The following SLC2A14 variants were observed in gnomAD, a reference collection of about 807,000 sequenced individuals.
The protein encoded by SLC2A14 is solute carrier family 2 member 14.
SLC2A14 carries 13 observed loss-of-function variants against 43.0 expected under a neutral mutation model. The ratio of observed to expected loss-of-function variants is 0.30; its 90% CI spans 0.20 to 0.48. The LOEUF is 0.48. SLC2A14 is among the 20% of genes least tolerant of loss of function. The pLI, the probability that SLC2A14 is intolerant of heterozygous loss-of-function variation, is 0.99. For synonymous variants in SLC2A14, 190 were observed against 233.8 expected, an observed-to-expected ratio of 0.81 and a Z score of 1.71; for missense variants, 428 against 620.4, an observed-to-expected ratio of 0.69 and a Z score of 3.29.
intron 2 of SLC2A14, among the ~76,000 whole-genome samples, chr12:7,860,104 C>T (rs907443338): frequency 1.3e-5 from 2 of 152,054 alleles, no homozygotes; most frequent in African/African-American, 4.8e-5. Flanking sequence ...AGCAGTTGGC[C>T]ACCAGGTGGC....
At chr12:7,864,816 C>G (rs1944819845) in intron 2 of SLC2A14, among the ~76,000 whole-genome samples, 1 of 152,140 alleles carries the variant, frequency 6.6e-6, no homozygotes, top group African/African-American at 2.4e-5. Context: ...AGGCTCTAAT[C>G]AGATAAGCCT....
chr12:7,853,358 G>A (rs1867090699), intron 2 of SLC2A14, among the ~76,000 whole-genome samples: 1 of 144,002 alleles, frequency 6.9e-6, no homozygotes, highest in Non-Finnish European at 1.5e-5. Flanking sequence ...AGAATCGCTT[G>A]AACCCGGGAG....
upstream of SLC2A14, among the ~76,000 whole-genome samples, chr12:7,873,977 A>G (rs1945363491): frequency 6.6e-6 from 1 of 152,162 alleles, no homozygotes; most frequent in Admixed American, 6.5e-5. Flanking sequence ...GGCCATTAAA[A>G]GGGTCTATAC....
chr12:7,868,411 A>C (rs1055515805), intron 2 of SLC2A14, among the ~76,000 whole-genome samples: 1 of 152,302 alleles, frequency 6.6e-6, no homozygotes, highest in East Asian at 1.9e-4. Flanking sequence ...GCTTTCTCTC[A>C]GCAGTCTGGA....
chr12:7,858,584 C>A lies in SLC2A14; in HGVS notation c.18+11279G>T, dbSNP rs146791448. On this transcript the variant is annotated intron_variant, in intron 2 of 10. Transcript: ENST00000431042. ...GCATGACCTCAGCTCACCACAACTTCCGCCTCCCGGGTTCAAGCGATTCTC... is the reference window on the plus strand; with the variant it reads ...GCATGACCTCAGCTCACCACAACTTACGCCTCCCGGGTTCAAGCGATTCTC... 1.7e-3 allele frequency among the ~76,000 whole-genome samples: 261 copies of A among 152,218 alleles called. 3 individuals carry two copies. The East Asian group carries it at 0.043, about 25-fold the overall frequency.
intron 2 of SLC2A14, among the ~76,000 whole-genome samples, chr12:7,869,006 T>G (rs983040370): frequency 1.3e-4 from 20 of 151,814 alleles, no homozygotes; most frequent in Admixed American, 5.3e-4. Context: ...TAGCCGGGCA[T>G]GGTGGCTCAT....
chr12:7,817,683 C>T, intron 10 of SLC2A14, 148 bp downstream of exon 10: 1 of 968,632 alleles, frequency 1.0e-6, no homozygotes, highest in Non-Finnish European at 1.5e-6. Context: ...AGAAGAATCG[C>T]TTGTCAGTGA....
At chr12:7,846,404 TA>T (rs34368487) in intron 2 of SLC2A14, among the ~76,000 whole-genome samples, 11,331 of 141,848 alleles carry the variant, frequency 0.08, 415 homozygotes, top group Middle Eastern at 0.12. Flanking sequence ...CATTATTGGT[TA>T]AAAAAAAAAA....
At chr12:7,883,660 C>T (rs1945634760) in intron 1 of SLC2A14, among the ~76,000 whole-genome samples, 1 of 134,630 alleles carries the variant, frequency 7.4e-6, no homozygotes, top group Admixed American at 7.9e-5. Flanking sequence ...AGTCTCGGCT[C>T]ACAGCCTCTG....
At chr12:7,882,063 A>C (rs7956789) in intron 1 of SLC2A14, among the ~76,000 whole-genome samples, 87,345 of 151,768 alleles carry the variant, frequency 0.58, 25,411 homozygotes, top group Admixed American at 0.66. Context: ...CAGTGGTAAC[A>C]TGTTGGCCTC....
chr12:7,852,056 G>T (rs895461431), intron 2 of SLC2A14, among the ~76,000 whole-genome samples: 1 of 152,014 alleles, frequency 6.6e-6, no homozygotes, highest in African/African-American at 2.4e-5. Context: ...TCTCACTAGG[G>T]GTCCTAAAAG....
chr12:7,855,115 G>A (rs185717330), intron 2 of SLC2A14, among the ~76,000 whole-genome samples: 129 of 151,840 alleles, frequency 8.5e-4, no homozygotes, highest in African/African-American at 2.9e-3. Flanking sequence ...GCCAGGTATC[G>A]CACTTTATAT....
At chr12:7,852,230 T>G (rs1354826048) in intron 2 of SLC2A14, among the ~76,000 whole-genome samples, 1 of 152,112 alleles carries the variant, frequency 6.6e-6, no homozygotes, top group African/African-American at 2.4e-5. Context: ...AAATGAGATA[T>G]GGTGAAAGTA....
intron 7 of SLC2A14, among the ~76,000 whole-genome samples, chr12:7,823,643 C>T (rs1864113450): frequency 6.6e-6 from 1 of 151,984 alleles, no homozygotes; most frequent in South Asian, 2.1e-4. Flanking sequence ...TCAATTGAAC[C>T]CGGGAGGTGG....
upstream of SLC2A14, among the ~76,000 whole-genome samples, chr12:7,874,923 A>G (rs1253844081): frequency 4.0e-5 from 2 of 50,126 alleles, no homozygotes; most frequent in African/African-American, 2.2e-4. Context: ...ATATAAATAT[A>G]TATTTATATA....
At chr12:7,887,297 A>C (rs1945703322) in intron 1 of SLC2A14, among the ~76,000 whole-genome samples, 1 of 151,990 alleles carries the variant, frequency 6.6e-6, no homozygotes, top group African/African-American at 2.4e-5. Flanking sequence ...CCTGGTTTCA[A>C]TGGTAGGCTG....
upstream of SLC2A14, among the ~76,000 whole-genome samples, chr12:7,876,280 CAAAAAAAAAAAAAA>C (rs59935166): frequency 5.9e-5 from 4 of 68,208 alleles, no homozygotes; most frequent in South Asian, 6.4e-4. Context: ...AACTCCATCT[CAAAAAAAAAAAAAA>C]AAAAAAAAAA....
chr12:7,827,055 CTCTTTCTTTCTCTCTCTCTCTT>C (rs1334671521), intron 7 of SLC2A14, among the ~76,000 whole-genome samples: 6 of 123,112 alleles, frequency 4.9e-5, no homozygotes, highest in Non-Finnish European at 1.0e-4. Flanking sequence ...TTCTCTCTCT[CTCTTTCTTTCTCTCTCTCTCTT>C]TCTTTCTTTC....
intron 2 of SLC2A14, among the ~76,000 whole-genome samples, chr12:7,839,398 G>C (rs1865731044): frequency 6.6e-6 from 1 of 152,042 alleles, no homozygotes. Flanking sequence ...AGGCGGATTT[G>C]GCAGGAGTGG....
Sources: allele counts gnomAD v4.1 joint callset (sites outside exome capture counted in the v4.1 genomes callset), GRCh38; gene constraint gnomAD v4.1.1; transcripts MANE v1.5; gene names NCBI Gene and HGNC (gene_info 2026-07-23, HGNC 2026-07-21).